Variants in ZNF713 observed in about 807,000 individuals in gnomAD.
The protein encoded by ZNF713 is zinc finger protein 713.
ZNF713 carries 21 observed loss-of-function variants against 28.7 expected under a neutral mutation model. That is an observed-to-expected ratio of 0.73 (90% CI 0.52 to 1.05). The LOEUF (loss-of-function observed/expected upper bound fraction) is 1.05. ZNF713 is among the 50% of genes least tolerant of loss of function. ZNF713 has a pLI of 0.00. For missense variants in ZNF713, 458 were observed against 532.4 expected (o/e 0.86, Z 1.37); for synonymous variants, 167 against 178.0 (o/e 0.94, Z 0.49).
chr7:55,887,942 G>T (rs1404658615), intron 1 of ZNF713, among the ~76,000 whole-genome samples: 1 of 146,888 alleles, frequency 6.8e-6, no homozygotes, highest in Non-Finnish European at 1.5e-5. Flanking sequence ...CGCTGTCCCC[G>T]CTGTCCCCAT....
rs750961575 is a variant in ZNF713, at chr7:55,939,048, C to A, written c.374C>A (p.Thr125Asn). ...TSQNISDENQ[T>N]HEMIMERLAG... ...CAGAATATTTCTGATGAAAATCAAA[C>A]CCATGAGATGATAATGGAGAGACTC... The change falls in exon 7 of 7, where the codon ACC (threonine) becomes AAC (asparagine). Residue 125 changes from threonine (T) to asparagine (N), a missense_variant. Transcript: ENST00000429591. The A allele has an allele frequency of 1.2e-6, 2 of 1,611,900 alleles. No homozygotes were observed. The highest frequency in any genetic ancestry group is 2.2e-5 in the South Asian group (2 of 90,564).
chr7:55,891,344 A>G (rs1183399412), intron 1 of ZNF713, among the ~76,000 whole-genome samples: 2 of 152,130 alleles, frequency 1.3e-5, no homozygotes, highest in African/African-American at 4.8e-5. Context: ...CATGATATAT[A>G]ATGGTTTGCA....
chr7:55,907,377 GC>G (rs1226906650), intron 2 of ZNF713, among the ~76,000 whole-genome samples: 1 of 152,154 alleles, frequency 6.6e-6, no homozygotes, highest in African/African-American at 2.4e-5. Context: ...CCTGGAAACT[GC>G]AGATACTTTC....
intron 4 of ZNF713, among the ~76,000 whole-genome samples, chr7:55,913,133 A>G (rs568260026): frequency 1.3e-5 from 2 of 151,798 alleles, no homozygotes; most frequent in Non-Finnish European, 2.9e-5. Flanking sequence ...TCTATCACAA[A>G]TTAATGTTTC....
intron 1 of ZNF713, among the ~76,000 whole-genome samples, chr7:55,892,794 C>T (rs1785411470): frequency 6.7e-6 from 1 of 149,620 alleles, no homozygotes; most frequent in Non-Finnish European, 1.5e-5. Flanking sequence ...ATTACTTGAA[C>T]CTGGGAGGTG....
Position 55,923,709 on chromosome 7 carries a change from C to G in ZNF713, c.307+10C>G. 6.2e-7 allele frequency: 1 copy of G among 1,602,658 alleles called. No individual in the cohort carries two copies. The highest frequency in any genetic ancestry group is 1.3e-5 in the African/African-American group (1 of 74,842). On this transcript the variant is annotated intron_variant, in intron 6 of 6. Transcript: ENST00000429591. ...CTGGATACTCATCCAGGTAAGTGCA[C>G]ACTCTTGGGCACTGCTACTTAATGA...
chr7:55,903,666 T>TAA lies in ZNF713; in HGVS notation c.-582-2576_-582-2575dup, dbSNP rs113130548. Among the ~76,000 whole-genome samples the TAA allele has an allele frequency of 5.3e-3, 598 of 113,030 alleles. 20 individuals carry two copies. The highest frequency in any genetic ancestry group is 0.02 in the Admixed American group (211 of 10,702). The allele number at this position is 113,030 out of a possible 152,430, so 74.2% of individuals were successfully genotyped here. ...TGGGCAACAGAGCCAGACTGTGTCT[T>TAA]AAAAAAAAAAAACAAAAAAAAACCT... On this transcript the variant is annotated intron_variant, in intron 1 of 6. Coordinates refer to ENST00000429591, the MANE Select transcript of ZNF713 (RefSeq NM_182633.3).
At chr7:55,892,218 C>T (rs1785392593) in intron 1 of ZNF713, among the ~76,000 whole-genome samples, 1 of 138,112 alleles carries the variant, frequency 7.2e-6, no homozygotes, top group Non-Finnish European at 1.5e-5. Flanking sequence ...GCGGAGTTTG[C>T]AGTGAGCCGA....
At chr7:55,892,303 A>T (rs1465396954) in intron 1 of ZNF713, among the ~76,000 whole-genome samples, 1 of 149,358 alleles carries the variant, frequency 6.7e-6, no homozygotes, top group Non-Finnish European at 1.5e-5. Flanking sequence ...AAAAAAAAAA[A>T]ACCCCAGGAA....
intron 4 of ZNF713, among the ~76,000 whole-genome samples, chr7:55,915,440 A>G (rs1392799096): frequency 6.6e-6 from 1 of 152,204 alleles, no homozygotes; most frequent in Non-Finnish European, 1.5e-5. Context: ...CATGACCCCA[A>G]ACCCAAGGAG....
chr7:55,904,463 TAA>T (rs71015118), intron 1 of ZNF713, among the ~76,000 whole-genome samples: 38 of 41,276 alleles, frequency 9.2e-4, no homozygotes, highest in African/African-American at 2.9e-3. Flanking sequence ...ACTGTATCTT[TAA>T]AAAAAAAAAA....
chr7:55,887,709 CGGGA>C lies in ZNF713; in HGVS notation c.-583+32_-583+35del. 22 of 22,992 alleles carry C rather than the reference CGGGA, an allele frequency of 9.6e-4. 6 individuals carry two copies. Among genetic ancestry groups the C allele is most frequent in the African/African-American group, 5.0e-3 (18 of 3,620 alleles). The allele number at this position is 22,992 out of a possible 1,614,324, so 1.4% of individuals were successfully genotyped here. A position where few individuals can be genotyped will look rare whatever the true frequency, so the allele number is the denominator to read the frequency against. On this transcript the variant is annotated intron_variant, in intron 1 of 6. Transcript: ENST00000429591. ...AGTGCGCGCCGGGAGGAGGCGGAGG[CGGGA>C]GGCGGAGGCGGGGGGCGGAGGCGGG...
At chr7:55,925,068 C>T (rs1183110744) in intron 6 of ZNF713, among the ~76,000 whole-genome samples, 2 of 151,630 alleles carry the variant, frequency 1.3e-5, no homozygotes, top group Non-Finnish European at 2.9e-5. Context: ...ATACCACCTA[C>T]GATGTTCTGC....
At position 55,940,235 on chromosome 7, in the gene ZNF713, G is replaced by A; in HGVS notation, c.*229G>A. ...CCACCTGGGTTCAAGCGATTCTCCT[G>A]CCTCAGCCTCCTGAGTAGCTGGGAC... On this transcript the variant is annotated 3_prime_UTR_variant, in exon 7 of 7. Transcript: ENST00000429591. The A allele has an allele frequency of 1.4e-6, 1 of 702,442 alleles. No individual in the cohort carries two copies. Among genetic ancestry groups the A allele is most frequent in the Non-Finnish European group, 2.0e-6 (1 of 495,932 alleles). The allele number at this position is 702,442 out of a possible 1,614,324, so 43.5% of individuals were successfully genotyped here.
chr7:55,912,930 C>T (rs1785811670), intron 4 of ZNF713, among the ~76,000 whole-genome samples: 1 of 152,190 alleles, frequency 6.6e-6, no homozygotes, highest in Non-Finnish European at 1.5e-5. Context: ...TCACCAGACT[C>T]AATTTCATGG....
At chr7:55,899,924 A>T (rs568530144) in intron 1 of ZNF713, among the ~76,000 whole-genome samples, 2 of 151,840 alleles carry the variant, frequency 1.3e-5, no homozygotes, top group Admixed American at 6.6e-5. Flanking sequence ...TTGTATGTAT[A>T]ATAGAGACAG....
At chr7:55,905,784 A>G (rs1785667077) in intron 1 of ZNF713, among the ~76,000 whole-genome samples, 1 of 152,148 alleles carries the variant, frequency 6.6e-6, no homozygotes, top group Non-Finnish European at 1.5e-5. Flanking sequence ...TAAACAGCTC[A>G]GGAACTGCTC....
At chr7:55,900,281 A>G (rs1785551720) in intron 1 of ZNF713, among the ~76,000 whole-genome samples, 1 of 152,074 alleles carries the variant, frequency 6.6e-6, no homozygotes, top group Non-Finnish European at 1.5e-5. Context: ...CAGCCTGACC[A>G]ACATGGTGAA....
rs557863840 is a variant in ZNF713, at chr7:55,899,492, G to A, written c.-582-6761G>A. ...TCAAGACCAGCCTGGCCAAGATGGC[G>A]AGACCCCATCTCTACTAAAAATACA... On this transcript the variant is annotated intron_variant, in intron 1 of 6. Coordinates refer to ENST00000429591, the MANE Select transcript of ZNF713 (RefSeq NM_182633.3). 6.8e-5 allele frequency among the ~76,000 whole-genome samples: 10 copies of A among 147,568 alleles called. No homozygotes were observed. The South Asian group carries it at 1.9e-3, about 29-fold the overall frequency.
Sources: allele counts gnomAD v4.1 joint callset (sites outside exome capture counted in the v4.1 genomes callset), GRCh38; gene constraint gnomAD v4.1.1; transcripts MANE v1.5; gene names NCBI Gene and HGNC (gene_info 2026-07-23, HGNC 2026-07-21).